The following SYNJ1 variants were observed in gnomAD, a reference collection of about 807,000 sequenced individuals.
SYNJ1 encodes the protein synaptojanin 1, also known as polyphosphatidylinositol phosphatase SYNJ1.
SYNJ1 carries 78 observed loss-of-function variants against 168.2 expected under a neutral mutation model. That is an observed-to-expected ratio of 0.46 (90% CI 0.39 to 0.56). SYNJ1 has a LOEUF of 0.56. SYNJ1 is among the 20% of genes least tolerant of loss of function. SYNJ1 has a pLI of 0.00. For missense variants in SYNJ1, 1,303 were observed against 1,597.6 expected, an observed-to-expected ratio of 0.82 and a Z score of 3.14; for synonymous variants, 539 against 548.6, an observed-to-expected ratio of 0.98 and a Z score of 0.24.
rs116024329 is a variant in SYNJ1, at chr21:32,666,054, G to A, written c.2034C>T (p.Phe678=). 8.1e-6 allele frequency: 13 copies of A among 1,614,048 alleles called. No homozygotes were observed. In the East Asian group the frequency reaches 2.7e-4, roughly 33 times the overall value. Residue 678 remains phenylalanine (F), a synonymous_variant, in exon 17 of 33, where the codon TTC becomes TTT. Transcript: ENST00000674351. The part of the protein sequence containing the change: ...NKGAVAIRML[F]HTTSLCFVCS... ...AGACGAAGCAAAGGCTGGTTGTATGGAAGAGCATTCGGATTGCAACTGCTC... is the reference window on the plus strand; with the variant it reads ...AGACGAAGCAAAGGCTGGTTGTATGAAAGAGCATTCGGATTGCAACTGCTC...
chr21:32,637,999 G>A (rs1326881259), intron 31 of SYNJ1, among the ~76,000 whole-genome samples: 1 of 152,168 alleles, frequency 6.6e-6, no homozygotes, highest in Non-Finnish European at 1.5e-5. Flanking sequence ...ATGTGTTAAA[G>A]GGACATTGCC....
intron 13 of SYNJ1, among the ~76,000 whole-genome samples, chr21:32,674,175 C>T (rs1232742849): frequency 2.0e-5 from 3 of 152,218 alleles, no homozygotes; most frequent in Admixed American, 6.5e-5. Context: ...ATCTTCCACT[C>T]TCCCTGGTGC....
chr21:32,656,244 C>A (rs1176985494), intron 21 of SYNJ1, among the ~76,000 whole-genome samples: 1 of 152,066 alleles, frequency 6.6e-6, no homozygotes, highest in Non-Finnish European at 1.5e-5. Flanking sequence ...CCAGCCTGGG[C>A]AACATGGTGA....
chr21:32,661,071 A>C (rs1294941972), intron 18 of SYNJ1, among the ~76,000 whole-genome samples: 1 of 152,224 alleles, frequency 6.6e-6, no homozygotes, highest in South Asian at 2.1e-4. Flanking sequence ...TTTTCCACAC[A>C]GAAGTGGGGC....
chr21:32,715,340 G>A (rs1470810115), intron 2 of SYNJ1, among the ~76,000 whole-genome samples: 1 of 152,004 alleles, frequency 6.6e-6, no homozygotes, highest in African/African-American at 2.4e-5. Flanking sequence ...TGGGCATGGT[G>A]GTGCACACCC....
At chr21:32,639,256 T>A (rs1484057738) in intron 30 of SYNJ1, 131 bp from the exon 31 acceptor site, 1 of 830,740 alleles carries the variant, frequency 1.2e-6, no homozygotes, top group East Asian at 2.7e-5. Flanking sequence ...TCTTGTGGTA[T>A]AATGAAGGAA....
intron 15 of SYNJ1, among the ~76,000 whole-genome samples, chr21:32,669,529 A>G (rs1417422132): frequency 1.3e-5 from 2 of 152,222 alleles, no homozygotes; most frequent in Non-Finnish European, 1.5e-5. Flanking sequence ...AGTGACCAAT[A>G]CATGATGTTA....
At chr21:32,665,265 G>T (rs1377075915) in intron 17 of SYNJ1, among the ~76,000 whole-genome samples, 194 bp from the exon 18 acceptor site, 1 of 152,108 alleles carries the variant, frequency 6.6e-6, no homozygotes, top group East Asian at 1.9e-4. Flanking sequence ...ATCAAGCCAG[G>T]AACTATGACA....
At chr21:32,690,292 C>T (rs568231206) in intron 6 of SYNJ1, among the ~76,000 whole-genome samples, 6 of 152,324 alleles carry the variant, frequency 3.9e-5, no homozygotes, top group South Asian at 2.1e-4. Flanking sequence ...ACTGCAGCCT[C>T]GACCTCCTGG....
intron 1 of SYNJ1, among the ~76,000 whole-genome samples, chr21:32,727,529 G>A (rs1315525464): frequency 6.6e-6 from 1 of 152,116 alleles, no homozygotes; most frequent in Admixed American, 6.5e-5. Flanking sequence ...AAATACGAAT[G>A]GCCACCCGGG....
intron 2 of SYNJ1, among the ~76,000 whole-genome samples, chr21:32,723,337 C>A (rs1489367181): frequency 6.6e-6 from 1 of 152,210 alleles, no homozygotes; most frequent in Non-Finnish European, 1.5e-5. Context: ...ATCCTCAACA[C>A]TGTATGCTGA....
chr21:32,645,534 T>A, intron 25 of SYNJ1, 112 bp downstream of exon 25: 2 of 1,339,830 alleles, frequency 1.5e-6, no homozygotes, highest in Non-Finnish European at 1.9e-6. Flanking sequence ...ATAGCAATAA[T>A]GATAGAAAAA....
At chr21:32,711,857 T>C (rs957927259) in intron 2 of SYNJ1, among the ~76,000 whole-genome samples, 4 of 152,216 alleles carry the variant, frequency 2.6e-5, no homozygotes, top group South Asian at 2.1e-4. Flanking sequence ...TAATCACACC[T>C]GCATTGCTAA....
intron 2 of SYNJ1, among the ~76,000 whole-genome samples, chr21:32,718,470 T>C (rs1221180032): frequency 1.3e-5 from 2 of 152,162 alleles, no homozygotes; most frequent in East Asian, 3.8e-4. Context: ...CAAAGGTATT[T>C]ATAAAAAGAA....
chr21:32,694,752 C>T (rs1056496035), intron 5 of SYNJ1, among the ~76,000 whole-genome samples: 4 of 151,900 alleles, frequency 2.6e-5, no homozygotes, highest in Admixed American at 6.6e-5. Context: ...TTTCACTTCA[C>T]AAAAAAACAA....
intron 29 of SYNJ1, among the ~76,000 whole-genome samples, chr21:32,641,241 C>G (rs914480798): frequency 5.9e-5 from 9 of 152,142 alleles, no homozygotes; most frequent in African/African-American, 2.2e-4. Flanking sequence ...ACTGGACTAG[C>G]CTAAGTCACT....
intron 1 of SYNJ1, 142 bp from the exon 2 acceptor site, chr21:32,727,059 G>T: frequency 8.7e-7 from 1 of 1,148,392 alleles, no homozygotes; most frequent in Non-Finnish European, 1.2e-6. Flanking sequence ...GGGAGAAAAT[G>T]GCTTTTTCCA....
intron 2 of SYNJ1, among the ~76,000 whole-genome samples, chr21:32,713,588 G>A (rs1181575893): frequency 1.4e-5 from 2 of 140,582 alleles, no homozygotes; most frequent in African/African-American, 5.3e-5. Flanking sequence ...TTTCCCATAT[G>A]TCAACATGGA....
chr21:32,702,082 C>G, intron 2 of SYNJ1, 35 bp from the exon 3 acceptor site: 1 of 1,442,994 alleles, frequency 6.9e-7, no homozygotes. Context: ...GAAAAATGAC[C>G]TGAAACATTG....
Sources: allele counts gnomAD v4.1 joint callset (sites outside exome capture counted in the v4.1 genomes callset), GRCh38; gene constraint gnomAD v4.1.1; transcripts MANE v1.5; gene names NCBI Gene and HGNC (gene_info 2026-07-23, HGNC 2026-07-21).